Variants in ADAMTS18 observed in about 807,000 individuals in gnomAD.
The protein encoded by ADAMTS18 is A disintegrin and metalloproteinase with thrombospondin motifs 18.
A neutral mutation model predicts 165.9 loss-of-function variants in ADAMTS18; 157 were observed. The observed-to-expected ratio is 0.95, with a 90% CI of 0.83 to 1.08. The LOEUF is 1.08. Among genes scored for constraint, ADAMTS18 ranks in the 50% least tolerant of loss-of-function variants. ADAMTS18 has a pLI of 0.00. For missense variants in ADAMTS18, 2,040 were observed against 1,534.0 expected (o/e 1.33, Z -5.51); for synonymous variants, 782 against 578.2 (o/e 1.35, Z -5.06).
chr16:77,302,797 T>C (rs1336453749), intron 16 of ADAMTS18, among the ~76,000 whole-genome samples: 1 of 152,238 alleles, frequency 6.6e-6, no homozygotes, highest in East Asian at 1.9e-4. Flanking sequence ...AGACAGATTC[T>C]AGAGCCTAAG....
intron 10 of ADAMTS18, among the ~76,000 whole-genome samples, chr16:77,353,259 C>G (rs1282391881): frequency 2.0e-5 from 3 of 151,956 alleles, no homozygotes; most frequent in Non-Finnish European, 4.4e-5. Context: ...AAAGATGACA[C>G]AAAAATCTTA....
intron 11 of ADAMTS18, among the ~76,000 whole-genome samples, chr16:77,338,000 T>G (rs1364867921): frequency 6.6e-6 from 1 of 151,186 alleles, no homozygotes; most frequent in Non-Finnish European, 1.5e-5. Flanking sequence ...GCCTCCCAGG[T>G]TCAAGCGATT....
In ADAMTS18 at chr16:77,413,547, C is replaced by A. The variant is rs73634695; in HGVS notation, c.495+17748G>T. 6.1e-3 allele frequency among the ~76,000 whole-genome samples: 930 copies of A among 152,266 alleles called. 6 individuals are homozygous for A. Among genetic ancestry groups the A allele is most frequent in the African/African-American group, 0.021 (893 of 41,542 alleles). On this transcript the variant is annotated intron_variant, in intron 3 of 22. Coordinates refer to ENST00000282849, the MANE Select transcript of ADAMTS18 (RefSeq NM_199355.4). ...GATACAATTTATTTTTGAATGCCCA[C>A]TGCTCTGAATTATTTTTGTCACTCA...
intron 3 of ADAMTS18, among the ~76,000 whole-genome samples, chr16:77,405,642 G>A (rs1374154549): frequency 6.6e-6 from 1 of 152,106 alleles, no homozygotes; most frequent in Non-Finnish European, 1.5e-5. Flanking sequence ...TACACCATGT[G>A]GCTTATACAA....
At chr16:77,333,635 C>A (rs1374672613) in intron 12 of ADAMTS18, among the ~76,000 whole-genome samples, 1 of 151,602 alleles carries the variant, frequency 6.6e-6, no homozygotes, top group African/African-American at 2.4e-5. Flanking sequence ...ATAGAGATAT[C>A]TGTATTCCCA....
At chr16:77,373,509 C>G (rs187922092) in intron 3 of ADAMTS18, among the ~76,000 whole-genome samples, 1 of 151,334 alleles carries the variant, frequency 6.6e-6, no homozygotes, top group Non-Finnish European at 1.5e-5. Context: ...AAAAGTTATC[C>G]TCTCTCATGC....
At chr16:77,396,052 C>T (rs1478247253) in intron 3 of ADAMTS18, among the ~76,000 whole-genome samples, 3 of 152,144 alleles carry the variant, frequency 2.0e-5, no homozygotes, top group East Asian at 1.9e-4. Context: ...ATGACAAAAT[C>T]GAGCCTCAAA....
chr16:77,297,910 CTTTTGCT>C (rs2055504723), intron 17 of ADAMTS18, among the ~76,000 whole-genome samples: 1 of 115,158 alleles, frequency 8.7e-6, no homozygotes, highest in Non-Finnish European at 1.7e-5. Context: ...CAGGGCTCTG[CTTTTGCT>C]TTTTTTTTTT....
intron 3 of ADAMTS18, among the ~76,000 whole-genome samples, chr16:77,417,427 T>G (rs1302185810): frequency 6.6e-6 from 1 of 152,302 alleles, no homozygotes; most frequent in Non-Finnish European, 1.5e-5. Flanking sequence ...TATATATTTA[T>G]AAAGATATTG....
At chr16:77,348,060 AGAG>A (rs1315114762) in intron 10 of ADAMTS18, among the ~76,000 whole-genome samples, 5 of 152,134 alleles carry the variant, frequency 3.3e-5, no homozygotes, top group African/African-American at 1.2e-4. Context: ...CAATTTTCTA[AGAG>A]TTCATTCACA....
chr16:77,325,292 A>G (rs1306157036), intron 13 of ADAMTS18, among the ~76,000 whole-genome samples: 1 of 152,212 alleles, frequency 6.6e-6, no homozygotes, highest in Non-Finnish European at 1.5e-5. Flanking sequence ...TGCTGTAACT[A>G]ATGTTTTATT....
chr16:77,303,063 C>T (rs141128746), intron 16 of ADAMTS18, among the ~76,000 whole-genome samples: 7 of 152,238 alleles, frequency 4.6e-5, no homozygotes, highest in African/African-American at 1.7e-4. Flanking sequence ...TGTCTGTATC[C>T]GTATCCTCCT....
At chr16:77,367,873 TACA>T in intron 3 of ADAMTS18, 150 bp from the exon 4 acceptor site, 2 of 886,716 alleles carry the variant, frequency 2.3e-6, no homozygotes, top group South Asian at 1.4e-5. Context: ...TCTGCACCAT[TACA>T]ACGAGTTGCT....
intron 13 of ADAMTS18, among the ~76,000 whole-genome samples, chr16:77,324,811 G>T (rs1048900721): frequency 6.6e-6 from 1 of 152,150 alleles, no homozygotes; most frequent in African/African-American, 2.4e-5. Flanking sequence ...AGTTTTGAAT[G>T]TAAGTCGTTT....
At chr16:77,288,099 C>T (rs1301794477) in intron 22 of ADAMTS18, among the ~76,000 whole-genome samples, 3 of 152,094 alleles carry the variant, frequency 2.0e-5, no homozygotes, top group East Asian at 3.9e-4. Flanking sequence ...CTGTTGCGTG[C>T]CCATTGTGGT....
Position 77,352,969 on chromosome 16 carries a change from A to G in ADAMTS18, c.1614+764T>C, listed in dbSNP as rs999836170. 3.9e-5 allele frequency among the ~76,000 whole-genome samples: 6 copies of G among 151,996 alleles called. 1 individual carries two copies. The highest frequency in any genetic ancestry group is 3.3e-4 in the Admixed American group (5 of 15,242). The stretch of plus-strand genomic sequence containing the variant: ...AAAAAATTAGCCGAGCATGGTGGCT[A>G]CTCAGGAGGCTGAGGCGGGAGAATG... On this transcript the variant is annotated intron_variant, in intron 10 of 22. Coordinates refer to ENST00000282849, the MANE Select transcript of ADAMTS18 (RefSeq NM_199355.4).
chr16:77,398,372 AAG>A (rs981434236), intron 3 of ADAMTS18, among the ~76,000 whole-genome samples: 2 of 151,932 alleles, frequency 1.3e-5, no homozygotes, highest in Non-Finnish European at 2.9e-5. Context: ...GAGAAAGAGA[AAG>A]AGAGAGAGAA....
chr16:77,394,683 C>A (rs947656861), intron 3 of ADAMTS18, among the ~76,000 whole-genome samples: 9 of 152,172 alleles, frequency 5.9e-5, no homozygotes, highest in Non-Finnish European at 1.0e-4. Flanking sequence ...CAAAATTTGA[C>A]TTACCACGAA....
intron 20 of ADAMTS18, among the ~76,000 whole-genome samples, chr16:77,292,605 T>G (rs143227229): frequency 2.9e-4 from 44 of 152,316 alleles, no homozygotes; most frequent in African/African-American, 1.0e-3. Context: ...TCAAGTCACT[T>G]GACGTGTGCT....
Sources: allele counts gnomAD v4.1 joint callset (sites outside exome capture counted in the v4.1 genomes callset), GRCh38; gene constraint gnomAD v4.1.1; transcripts MANE v1.5; gene names NCBI Gene and HGNC (gene_info 2026-07-23, HGNC 2026-07-21).